The following RELN variants were observed in gnomAD, a reference collection of about 807,000 sequenced individuals.
The protein encoded by RELN is reelin.
RELN carries 108 observed loss-of-function variants against 427.6 expected under a neutral mutation model. The observed-to-expected ratio is 0.25, with a 90% CI of 0.22 to 0.30. The LOEUF (loss-of-function observed/expected upper bound fraction) is 0.30, where lower values mean the gene tolerates loss of function less well. Ranked by LOEUF, RELN falls within the 10% of genes least tolerant of loss-of-function variation. The probability of loss-of-function intolerance (pLI) is 1.00; values close to 1 mark genes in which losing one functional copy is unlikely to be tolerated. For missense variants in RELN, 3,715 were observed against 4,302.8 expected (o/e 0.86, Z 3.82); for synonymous variants, 1,524 against 1,513.4 (o/e 1.01, Z -0.16).
At chr7:103,912,550 A>G (rs1300710988) in intron 2 of RELN, among the ~76,000 whole-genome samples, 3 of 152,246 alleles carry the variant, frequency 2.0e-5, no homozygotes, top group Admixed American at 1.3e-4. Context: ...CAAAGAAATG[A>G]AACACATAGA....
At chr7:103,958,694 A>C (rs1796486637) in intron 1 of RELN, among the ~76,000 whole-genome samples, 1 of 152,134 alleles carries the variant, frequency 6.6e-6, no homozygotes, top group African/African-American at 2.4e-5. Context: ...CAAGTGACTC[A>C]CTCTGCAATG....
intron 63 of RELN, among the ~76,000 whole-genome samples, chr7:103,482,422 A>G (rs1288713331): frequency 6.6e-6 from 1 of 152,118 alleles, no homozygotes; most frequent in Non-Finnish European, 1.5e-5. Flanking sequence ...TGAAACCACA[A>G]ACTCTTTGTT....
chr7:103,642,542 C>T lies in RELN; in HGVS notation c.2003-1933G>A, dbSNP rs548110532. ...CATACCTTGCTAACCATGTGCATTC[C>T]ATATATCTTTACCCTTTCCCATTCT... On this transcript the variant is annotated intron_variant, in intron 16 of 64. Coordinates refer to ENST00000428762, the MANE Select transcript of RELN (RefSeq NM_005045.4). 5.9e-5 allele frequency among the ~76,000 whole-genome samples: 9 copies of T among 152,086 alleles called. No individual in the cohort carries two copies. In the South Asian group the frequency reaches 1.9e-3, roughly 32 times the overall value.
chr7:103,680,983 G>T (rs558853660), intron 11 of RELN, among the ~76,000 whole-genome samples: 25 of 152,252 alleles, frequency 1.6e-4, no homozygotes, highest in Non-Finnish European at 3.1e-4. Flanking sequence ...GAGGCAGGGA[G>T]GAGCAGGGCT....
chr7:103,514,224 T>C (rs1175375572), intron 50 of RELN, among the ~76,000 whole-genome samples: 1 of 152,164 alleles, frequency 6.6e-6, no homozygotes, highest in Non-Finnish European at 1.5e-5. Flanking sequence ...ATAATGAATA[T>C]CACTGCTTTA....
Position 103,989,202 on chromosome 7 carries a change from T to G in RELN, c.155A>C (p.Gln52Pro). The change falls in exon 1 of 65, where the codon CAG becomes CCG. Residue 52 changes from glutamine to proline, a missense_variant. Transcript: ENST00000428762. This position sits in a 1 kb window ranked among gnomAD's most constrained non-coding sequence, Gnocchi z 4.9. ...ATGCAGGGAAATGAGCACCTCGCCC[T>G]GCTCCCCATCCCCTTCCAGCTCCCC... is the stretch of plus-strand genomic sequence containing the variant. The part of the protein sequence containing the change: ...HHGELEGDGE[Q>P]GEVLISLHIA... The G allele has an allele frequency of 6.2e-7, 1 of 1,614,058 alleles. No homozygotes were observed. The highest frequency in any genetic ancestry group is 8.5e-7 in the Non-Finnish European group (1 of 1,179,976).
intron 41 of RELN, among the ~76,000 whole-genome samples, 185 bp from the exon 42 acceptor site, chr7:103,545,529 C>T (rs1830274996): frequency 6.6e-6 from 1 of 152,154 alleles, no homozygotes; most frequent in African/African-American, 2.4e-5. Context: ...CAATAAAGTT[C>T]TTGTTTCTTG....
chr7:103,760,974 T>C (rs1791284151), intron 4 of RELN, among the ~76,000 whole-genome samples: 1 of 151,262 alleles, frequency 6.6e-6, no homozygotes, highest in Non-Finnish European at 1.5e-5. Context: ...CCAAAAATGT[T>C]ATAAATTTAG....
chr7:103,858,159 T>G (rs1793990044), intron 2 of RELN, among the ~76,000 whole-genome samples: 1 of 152,166 alleles, frequency 6.6e-6, no homozygotes, highest in Non-Finnish European at 1.5e-5. Flanking sequence ...GGGCTGGCAC[T>G]CGGCAGCTTG....
intron 57 of RELN, among the ~76,000 whole-genome samples, chr7:103,493,715 G>A (rs761288767): frequency 2.0e-5 from 3 of 152,050 alleles, no homozygotes; most frequent in Non-Finnish European, 4.4e-5. Context: ...GAAGGAGAAC[G>A]AGCAGAGAAC....
chr7:103,989,313 A>G lies in RELN; in HGVS notation c.44T>C (p.Leu15Pro). Residue 15 changes from leucine (L) to proline (P), a missense_variant, in exon 1 of 65, where the codon CTG becomes CCG. By Grantham distance (98) the Leu-to-Pro change is moderately conservative. This residue lies in a region of RELN where 2,208 missense variants were observed against 2,361.7 expected (regional missense o/e 0.93). Coordinates refer to ENST00000428762, the MANE Select transcript of RELN (RefSeq NM_005045.4). This position sits in a 1 kb window ranked among gnomAD's most constrained non-coding sequence, Gnocchi z 4.9. ...CGCCCTCAGCGTCGCCCCCAGCAACAGCGCTAGGAGGAAAGTCTGCCGGGC... is the reference window on the plus strand; with the variant it reads ...CGCCCTCAGCGTCGCCCCCAGCAACGGCGCTAGGAGGAAAGTCTGCCGGGC... ...GWARQTFLLA[L>P]LLGATLRARA... is the part of the protein sequence containing the mutation. The G allele has an allele frequency of 6.3e-7, 1 of 1,596,670 alleles. No homozygotes were observed. The highest frequency in any genetic ancestry group is 8.6e-7 in the Non-Finnish European group (1 of 1,167,962).
chr7:103,858,648 T>C (rs566356412), intron 2 of RELN, among the ~76,000 whole-genome samples: 48 of 152,230 alleles, frequency 3.2e-4, no homozygotes, highest in Non-Finnish European at 6.2e-4. Context: ...CTTTCCTTTC[T>C]GACCTGCACC....
intron 51 of RELN, among the ~76,000 whole-genome samples, chr7:103,509,129 T>C (rs1829312670): frequency 6.6e-6 from 1 of 152,232 alleles, no homozygotes. Context: ...CTATTGACTT[T>C]CTTCACAGAA....
At chr7:103,830,585 C>A (rs1793251027) in intron 3 of RELN, among the ~76,000 whole-genome samples, 1 of 151,646 alleles carries the variant, frequency 6.6e-6, no homozygotes, top group African/African-American at 2.4e-5. Context: ...TCGAGGATTC[C>A]TGGGCGCTTG....
intron 49 of RELN, among the ~76,000 whole-genome samples, chr7:103,517,333 C>G (rs907912495): frequency 1.3e-5 from 2 of 152,118 alleles, no homozygotes; most frequent in African/African-American, 4.8e-5. Context: ...TCTATTTTTT[C>G]TTTCCTAATT....
At chr7:103,546,178 C>T (rs1245695226) in intron 41 of RELN, among the ~76,000 whole-genome samples, 1 of 152,188 alleles carries the variant, frequency 6.6e-6, no homozygotes, top group Non-Finnish European at 1.5e-5. Context: ...CAACTGACAA[C>T]CACCAATCAT....
chr7:103,637,083 C>T lies in RELN; in HGVS notation c.2070-615G>A, dbSNP rs145715164. On this transcript the variant is annotated intron_variant, in intron 17 of 64. Coordinates refer to ENST00000428762, the MANE Select transcript of RELN (RefSeq NM_005045.4). ...AAGAAAAACAAACCTTTCCCCACTC[C>T]CCAACAACCTGCTTGCTTCTATGTA... 5.0e-4 allele frequency among the ~76,000 whole-genome samples: 76 copies of T among 152,228 alleles called. 1 individual carries two copies. Among genetic ancestry groups the T allele is most frequent in the Non-Finnish European group, 8.4e-4 (57 of 68,024 alleles).
intron 43 of RELN, among the ~76,000 whole-genome samples, chr7:103,541,779 T>C (rs362754): frequency 0.035 from 5,382 of 152,300 alleles, 148 homozygotes; most frequent in South Asian, 0.15. Flanking sequence ...CAGCTGCTAA[T>C]AAAAATCTGA....
intron 9 of RELN, among the ~76,000 whole-genome samples, chr7:103,700,113 T>C (rs1217209533): frequency 6.6e-6 from 1 of 152,068 alleles, no homozygotes; most frequent in African/African-American, 2.4e-5. Context: ...ACGAAACTGA[T>C]AAGAAAATAT....
Sources: gnomAD v4.1 joint callset for allele counts (sites outside exome capture counted in the v4.1 genomes callset) on GRCh38, gnomAD v4.1.1 for gene constraint, gnomAD v4.1.1 regional missense constraint, Gnocchi (gnomAD v3.1) non-coding constraint, MANE v1.5 for transcripts, NCBI Gene and HGNC (gene_info 2026-07-23, HGNC 2026-07-21) for gene names.